PTH2R: variants seen among roughly 807,000 people sequenced by gnomAD.
The protein encoded by PTH2R is PTH2 receptor.
In PTH2R, 59 loss-of-function variants were observed where a neutral mutation model predicts 60.3. The ratio of observed to expected loss-of-function variants is 0.98; its 90% confidence interval spans 0.79 to 1.22. The LOEUF is 1.22. Among genes scored for constraint, PTH2R ranks in the 50% most tolerant of loss-of-function variants. The probability of loss-of-function intolerance (pLI) is 0.00; values close to 1 mark genes in which losing one functional copy is unlikely to be tolerated. For synonymous variants in PTH2R, 256 were observed against 243.8 expected (o/e 1.05, Z -0.47); for missense variants, 749 against 682.6 (o/e 1.10, Z -1.08).
chr2:208,416,250 C>A (rs1701639002), intron 1 of PTH2R, among the ~76,000 whole-genome samples: 1 of 152,058 alleles, frequency 6.6e-6, no homozygotes. Context: ...TGGTGTTAAA[C>A]CTTTGTGTGG....
At chr2:208,437,449 C>A in intron 2 of PTH2R, 88 bp from the exon 3 acceptor site, 1 of 1,036,832 alleles carries the variant, frequency 9.6e-7, no homozygotes, top group Non-Finnish European at 1.4e-6. Context: ...AGACAATGAC[C>A]TAAAATTTTG....
intron 1 of PTH2R, among the ~76,000 whole-genome samples, chr2:208,364,103 T>C (rs1198822679): frequency 6.6e-6 from 1 of 152,196 alleles, no homozygotes; most frequent in Non-Finnish European, 1.5e-5. Flanking sequence ...ATTGTAGGAA[T>C]TCTTTATATA....
chr2:208,421,032 G>A (rs1244111499), intron 1 of PTH2R, among the ~76,000 whole-genome samples: 1 of 152,140 alleles, frequency 6.6e-6, no homozygotes, highest in Non-Finnish European at 1.5e-5. Flanking sequence ...TTGTTTCTAA[G>A]TATAATTGGA....
In PTH2R at chr2:208,419,168, C is replaced by A. The variant is rs1574855906; in HGVS notation, c.76-9033C>A. Among the ~76,000 whole-genome samples, 3 of 152,318 alleles carry A rather than the reference C, an allele frequency of 2.0e-5. No homozygotes were observed. The East Asian group carries it at 5.8e-4, about 29-fold the overall frequency. On this transcript the variant is annotated intron_variant, in intron 1 of 12. Coordinates refer to ENST00000272847, the MANE Select transcript of PTH2R (RefSeq NM_005048.4). ...TAAAGGTGTTCCTATTTCTCCACAT[C>A]CTCTCCAGCACCTGTTGTTTCCTGA...
At chr2:208,449,541 C>T (rs996292208) in intron 7 of PTH2R, among the ~76,000 whole-genome samples, 1 of 151,710 alleles carries the variant, frequency 6.6e-6, no homozygotes, top group Non-Finnish European at 1.5e-5. Flanking sequence ...CAAAAAATTC[C>T]TAGAACACAG....
At chr2:208,418,129 A>G (rs1194406456) in intron 1 of PTH2R, among the ~76,000 whole-genome samples, 1 of 152,178 alleles carries the variant, frequency 6.6e-6, no homozygotes, top group Non-Finnish European at 1.5e-5. Flanking sequence ...CATAATAAAA[A>G]TATCCTATTA....
At chr2:208,427,457 C>A (rs1701879495) in intron 1 of PTH2R, among the ~76,000 whole-genome samples, 1 of 152,074 alleles carries the variant, frequency 6.6e-6, no homozygotes, top group Non-Finnish European at 1.5e-5. Flanking sequence ...TGTATTTCAA[C>A]CCCCAAAATT....
At chr2:208,396,926 A>T (rs1359379870) in intron 1 of PTH2R, among the ~76,000 whole-genome samples, 2 of 152,322 alleles carry the variant, frequency 1.3e-5, no homozygotes, top group South Asian at 4.1e-4. Flanking sequence ...TCAATGATAG[A>T]CTGGATTAAG....
intron 1 of PTH2R, among the ~76,000 whole-genome samples, chr2:208,366,780 G>A (rs376187559): frequency 3.3e-5 from 5 of 152,194 alleles, no homozygotes; most frequent in Admixed American, 1.3e-4. Context: ...TTTTAAGTTC[G>A]GCTTAAAGGT....
intron 1 of PTH2R, among the ~76,000 whole-genome samples, chr2:208,366,885 C>T (rs1284696727): frequency 6.6e-6 from 1 of 152,148 alleles, no homozygotes; most frequent in East Asian, 1.9e-4. Context: ...CAAATGTAGC[C>T]AACTGTTTGA....
At chr2:208,425,145 A>T (rs989441216) in intron 1 of PTH2R, among the ~76,000 whole-genome samples, 1 of 152,214 alleles carries the variant, frequency 6.6e-6, no homozygotes, top group African/African-American at 2.4e-5. Context: ...AAGATTGAAT[A>T]CTTCTTAAAA....
chr2:208,453,118 C>A (rs2105881474), intron 8 of PTH2R, among the ~76,000 whole-genome samples: 1 of 152,304 alleles, frequency 6.6e-6, no homozygotes, highest in South Asian at 2.1e-4. Flanking sequence ...TTCACTATGT[C>A]TAGCCTTTTG....
intron 9 of PTH2R, among the ~76,000 whole-genome samples, chr2:208,476,907 T>A (rs1335152069): frequency 7.2e-5 from 11 of 152,176 alleles, no homozygotes. Context: ...GGTAGGCTCC[T>A]ATCCCTGGAG....
At chr2:208,400,902 GCT>G (rs1701296424) in intron 1 of PTH2R, among the ~76,000 whole-genome samples, 1 of 152,096 alleles carries the variant, frequency 6.6e-6, no homozygotes, top group Admixed American at 6.5e-5. Context: ...AAACATAAAA[GCT>G]CTGTTTGTGG....
intron 1 of PTH2R, among the ~76,000 whole-genome samples, chr2:208,398,745 G>T (rs1701255665): frequency 6.6e-6 from 1 of 152,100 alleles, no homozygotes; most frequent in Non-Finnish European, 1.5e-5. Flanking sequence ...ATTTTGTGCT[G>T]TTTGAATCTT....
intron 12 of PTH2R, among the ~76,000 whole-genome samples, chr2:208,491,382 A>C (rs1703401000): frequency 6.6e-6 from 1 of 152,140 alleles, no homozygotes; most frequent in South Asian, 2.1e-4. Flanking sequence ...ATTTTGCAGG[A>C]GGGGTAAGTA....
chr2:208,437,407 C>A, intron 2 of PTH2R, 130 bp from the exon 3 acceptor site: 1 of 661,108 alleles, frequency 1.5e-6, no homozygotes, highest in Non-Finnish European at 2.5e-6. Flanking sequence ...TATCTAGTTT[C>A]AAAAACTACC....
At chr2:208,481,952 T>A (rs935857089) in intron 10 of PTH2R, among the ~76,000 whole-genome samples, 3 of 152,224 alleles carry the variant, frequency 2.0e-5, no homozygotes, top group African/African-American at 7.2e-5. Context: ...TCAAACTATC[T>A]TAAGGTTGTG....
At chr2:208,361,239 C>T (rs1700466953) in intron 1 of PTH2R, 1 of 154,498 alleles carries the variant, frequency 6.5e-6, no homozygotes, top group Non-Finnish European at 1.5e-5. Context: ...CCGTTGTGCT[C>T]CTTGAGCTCG....
Sources: allele counts gnomAD v4.1 joint callset (sites outside exome capture counted in the v4.1 genomes callset), GRCh38; gene constraint gnomAD v4.1.1; transcripts MANE v1.5; gene names NCBI Gene and HGNC (gene_info 2026-07-23, HGNC 2026-07-21).